RNLS: variants seen among roughly 807,000 people sequenced by gnomAD.
The protein encoded by RNLS is renalase, FAD dependent amine oxidase.
A neutral mutation model predicts 39.8 loss-of-function variants in RNLS; 39 were observed. That is an observed-to-expected ratio of 0.98 (90% CI 0.76 to 1.28). The LOEUF (loss-of-function observed/expected upper bound fraction) is 1.28. RNLS is among the 50% of genes most tolerant of loss of function. RNLS has a pLI of 0.00. For synonymous variants in RNLS, 147 were observed against 150.7 expected, an observed-to-expected ratio of 0.98 and a Z score of 0.18; for missense variants, 410 against 413.3, an observed-to-expected ratio of 0.99 and a Z score of 0.07.
chr10:88,547,219 T>C lies in RNLS; in HGVS notation c.526+25684A>G, dbSNP rs183908973. On this transcript the variant is annotated intron_variant, in intron 4 of 6. Coordinates refer to ENST00000331772, the MANE Select transcript of RNLS (RefSeq NM_001031709.3). The stretch of plus-strand genomic sequence containing the variant: ...TTAAGTTATTTTCCCTCTTTTCACA[T>C]TGATTCATGATAGCACTAACCCAAA... Among the ~76,000 whole-genome samples the C allele has an allele frequency of 5.8e-4, 88 of 152,332 alleles. No homozygotes were observed. In the Middle Eastern group the frequency reaches 0.02, roughly 35 times the overall value.
At chr10:88,228,154 A>G in the RNLS span, among the ~76,000 whole-genome samples, 11 of 152,134 alleles carry the variant, frequency 7.2e-5, no homozygotes, top group African/African-American at 2.7e-4. Context: ...TACTTACCAT[A>G]AATATGTAAA....
intron 4 of RNLS, among the ~76,000 whole-genome samples, chr10:88,395,983 CA>C (rs560866492): frequency 2.6e-4 from 40 of 152,154 alleles, no homozygotes; most frequent in African/African-American, 9.4e-4. Flanking sequence ...ATTCTACATT[CA>C]GCAAAACTAT....
intron 4 of RNLS, among the ~76,000 whole-genome samples, chr10:88,505,117 TATTAAAAGAAACCAACCA>T (rs1244502694): frequency 1.3e-5 from 2 of 151,906 alleles, no homozygotes; most frequent in Non-Finnish European, 2.9e-5. Flanking sequence ...TAACATTCCC[TATTAAAAGAAACCAACCA>T]AAAGAAATGG....
chr10:88,302,872 G>T (rs1844631013), intron 6 of RNLS, among the ~76,000 whole-genome samples: 1 of 152,160 alleles, frequency 6.6e-6, no homozygotes, highest in Non-Finnish European at 1.5e-5. Context: ...AGGGAGAGGG[G>T]GGAGGCAAGA....
intron 4 of RNLS, among the ~76,000 whole-genome samples, chr10:88,379,372 C>A (rs917355681): frequency 8.5e-5 from 13 of 152,090 alleles, no homozygotes; most frequent in African/African-American, 2.9e-4. Context: ...AAAAAAAATT[C>A]CCCCCAGACC....
chr10:88,224,208 C>T, the RNLS span, among the ~76,000 whole-genome samples: 2 of 152,032 alleles, frequency 1.3e-5, no homozygotes, highest in East Asian at 1.9e-4. Flanking sequence ...ATCAAGGTGG[C>T]GGTAGGTTCA....
At chr10:88,312,005 C>T (rs1041742547) in intron 6 of RNLS, among the ~76,000 whole-genome samples, 10 of 152,176 alleles carry the variant, frequency 6.6e-5, no homozygotes, top group Non-Finnish European at 1.3e-4. Flanking sequence ...GAAACAATGC[C>T]TCATCAAGGG....
chr10:88,246,924 A>G, the RNLS span, among the ~76,000 whole-genome samples: 1 of 152,318 alleles, frequency 6.6e-6, no homozygotes, highest in African/African-American at 2.4e-5. Flanking sequence ...CTAATCTGAC[A>G]TGTGTTTTGA....
intron 4 of RNLS, among the ~76,000 whole-genome samples, chr10:88,548,289 A>G (rs7904415): frequency 0.056 from 4,334 of 77,476 alleles, 147 homozygotes; most frequent in African/African-American, 0.099. Flanking sequence ...AAAAAAAAAA[A>G]AAAAGAAAAG....
chr10:88,577,216 T>A (rs573990673), intron 3 of RNLS, among the ~76,000 whole-genome samples: 2 of 152,300 alleles, frequency 1.3e-5, no homozygotes, highest in Non-Finnish European at 2.9e-5. Context: ...TATGAGGTTG[T>A]TCTATTGAAC....
chr10:88,461,741 T>C (rs960266939), intron 4 of RNLS, among the ~76,000 whole-genome samples: 17 of 152,092 alleles, frequency 1.1e-4, no homozygotes, highest in Admixed American at 9.2e-4. Context: ...GTAGGAGGTA[T>C]GTTTGAATAA....
chr10:88,467,481 T>C (rs1843280851), intron 4 of RNLS, among the ~76,000 whole-genome samples: 1 of 152,080 alleles, frequency 6.6e-6, no homozygotes, highest in South Asian at 2.1e-4. Context: ...CTTTTAGGAC[T>C]TTGACAGGGT....
intron 4 of RNLS, among the ~76,000 whole-genome samples, chr10:88,488,022 C>T (rs1033248713): frequency 5.9e-5 from 9 of 151,998 alleles, no homozygotes; most frequent in African/African-American, 1.7e-4. Flanking sequence ...AAAATGCAAA[C>T]CTATCTATAT....
At chr10:88,489,666 G>A (rs1279094341) in intron 4 of RNLS, among the ~76,000 whole-genome samples, 1 of 152,134 alleles carries the variant, frequency 6.6e-6, no homozygotes, top group Non-Finnish European at 1.5e-5. Flanking sequence ...TGCAGAGAGG[G>A]CCACATCAAT....
At chr10:88,194,997 A>G in the RNLS span, among the ~76,000 whole-genome samples, 12 of 152,320 alleles carry the variant, frequency 7.9e-5, no homozygotes, top group East Asian at 2.1e-3. Flanking sequence ...CCACCAGAAT[A>G]TGAGGTTGGT....
At chr10:88,235,840 G>GTT in the RNLS span, among the ~76,000 whole-genome samples, 1 of 148,942 alleles carries the variant, frequency 6.7e-6, no homozygotes, top group Non-Finnish European at 1.5e-5. Flanking sequence ...TTGTTTTTTT[G>GTT]TTTTTTTTTG....
the RNLS span, among the ~76,000 whole-genome samples, chr10:88,190,874 C>T: frequency 2.0e-5 from 3 of 152,202 alleles, no homozygotes; most frequent in Admixed American, 2.0e-4. Flanking sequence ...TGCAGCCATC[C>T]TCACTACATC....
chr10:88,552,964 G>A (rs530985792), intron 4 of RNLS, among the ~76,000 whole-genome samples: 311 of 152,042 alleles, frequency 2.0e-3, no homozygotes, highest in Non-Finnish European at 3.2e-3. Context: ...ATAAAACCTC[G>A]GTAATTTGAT....
intron 3 of RNLS, among the ~76,000 whole-genome samples, chr10:88,577,990 G>A (rs976668033): frequency 2.0e-5 from 3 of 152,080 alleles, no homozygotes; most frequent in Non-Finnish European, 4.4e-5. Flanking sequence ...TCAGATTGTG[G>A]GGTTTTAAAC....
Sources: gnomAD v4.1 joint callset for allele counts (sites outside exome capture counted in the v4.1 genomes callset) on GRCh38, gnomAD v4.1.1 for gene constraint, MANE v1.5 for transcripts, NCBI Gene and HGNC (gene_info 2026-07-23, HGNC 2026-07-21) for gene names.